Variants in HYDIN observed in about 807,000 individuals in gnomAD.
The protein encoded by HYDIN is axonemal central pair apparatus protein HYDIN.
In HYDIN, 132 loss-of-function variants were observed where a neutral mutation model predicts 403.9. That is an observed-to-expected ratio of 0.33 (90% CI 0.28 to 0.38). HYDIN has a LOEUF of 0.38. Ranked by LOEUF, HYDIN falls within the 10% of genes least tolerant of loss-of-function variation. The pLI, the probability that HYDIN is intolerant of heterozygous loss-of-function variation, is 1.00. For synonymous variants in HYDIN, 1,202 were observed against 1,891.7 expected (o/e 0.64, Z 9.46); for missense variants, 2,827 against 5,009.5 (o/e 0.56, Z 13.15).
intron 1 of HYDIN, among the ~76,000 whole-genome samples, chr16:71,218,667 T>C (rs2089021611): frequency 6.6e-6 from 1 of 152,230 alleles, no homozygotes; most frequent in Non-Finnish European, 1.5e-5. Context: ...CTGCAATATT[T>C]CATGATTTGG....
At chr16:71,077,671 T>A in intron 13 of HYDIN, among the ~76,000 whole-genome samples, 1 of 151,944 alleles carries the variant, frequency 6.6e-6, no homozygotes, top group East Asian at 1.9e-4. Context: ...TGTTTTTTGT[T>A]TTTTTTGTCT....
At chr16:70,870,964 G>A (rs1238587763) in intron 65 of HYDIN, among the ~76,000 whole-genome samples, 2 of 152,070 alleles carry the variant, frequency 1.3e-5, no homozygotes, top group Non-Finnish European at 2.9e-5. Flanking sequence ...TTGGGAAGTG[G>A]AGGTTGCAAT....
intron 1 of HYDIN, among the ~76,000 whole-genome samples, chr16:71,229,208 T>C (rs1441593924): frequency 3.3e-5 from 5 of 151,284 alleles, no homozygotes; most frequent in African/African-American, 9.7e-5. Context: ...CTAATGTAAA[T>C]GACTAGTTAA....
Position 70,986,355 on chromosome 16 carries a change from T to C in HYDIN, c.4195-1033A>G, listed in dbSNP as rs377674591. Among the ~76,000 whole-genome samples, 545 of 151,846 alleles carry C rather than the reference T, an allele frequency of 3.6e-3. 1 individual carries two copies. The Middle Eastern group carries it at 0.041, about 11-fold the overall frequency. ...TGGGGGTCCTTAGGAAAAGCTAGGG[T>C]GAGGTCTGACTGCTTCAAAGACTAT... On this transcript the variant is annotated intron_variant, in intron 27 of 85. Transcript: ENST00000393567.
chr16:70,909,872 T>A (rs1417856295), intron 47 of HYDIN, among the ~76,000 whole-genome samples: 1 of 150,804 alleles, frequency 6.6e-6, no homozygotes, highest in Admixed American at 6.6e-5. Context: ...ATTTTGTGTA[T>A]TTTTAGTAGA....
At chr16:71,097,923 A>G (rs538237830) in intron 10 of HYDIN, among the ~76,000 whole-genome samples, 2 of 152,228 alleles carry the variant, frequency 1.3e-5, no homozygotes, top group South Asian at 4.2e-4. Context: ...TTTATGTTCC[A>G]CTGTCTTCTG....
chr16:71,178,624 C>T (rs946873694), intron 4 of HYDIN, among the ~76,000 whole-genome samples: 3 of 151,698 alleles, frequency 2.0e-5, no homozygotes, highest in African/African-American at 7.3e-5. Flanking sequence ...AAATAAAAAC[C>T]TAGCCCAATT....
intron 23 of HYDIN, among the ~76,000 whole-genome samples, chr16:71,003,260 A>G (rs1006939706): frequency 6.6e-6 from 1 of 152,164 alleles, no homozygotes; most frequent in African/African-American, 2.4e-5. Flanking sequence ...TCAACCTGTC[A>G]GGATTCTGAT....
intron 23 of HYDIN, among the ~76,000 whole-genome samples, chr16:71,009,986 C>A (rs1208847128): frequency 1.6e-5 from 2 of 121,626 alleles, no homozygotes; most frequent in Non-Finnish European, 3.3e-5. Flanking sequence ...CCAATACCCC[C>A]AGCTTGTGGT....
At chr16:71,183,256 C>T (rs1009970859) in intron 3 of HYDIN, among the ~76,000 whole-genome samples, 1 of 151,698 alleles carries the variant, frequency 6.6e-6, no homozygotes, top group African/African-American at 2.4e-5. Context: ...GTAAGGGACA[C>T]AGAGGATAGC....
chr16:70,970,872 T>C (rs1300425496), intron 35 of HYDIN, 113 bp from the exon 36 acceptor site: 12 of 1,016,704 alleles, frequency 1.2e-5, no homozygotes, highest in Admixed American at 2.7e-5. Context: ...GGGAGAAAAC[T>C]TATTATAAAA....
intron 47 of HYDIN, among the ~76,000 whole-genome samples, chr16:70,916,277 G>A (rs1402633506): frequency 6.6e-6 from 1 of 152,188 alleles, no homozygotes; most frequent in Non-Finnish European, 1.5e-5. Flanking sequence ...TGCCAGACAG[G>A]AATGGCCTGC....
chr16:71,139,715 A>G (rs1347455631), intron 7 of HYDIN, among the ~76,000 whole-genome samples: 2 of 152,114 alleles, frequency 1.3e-5, no homozygotes, highest in East Asian at 1.9e-4. Flanking sequence ...AAATAAAAAT[A>G]TATGAAAAAT....
intron 5 of HYDIN, among the ~76,000 whole-genome samples, chr16:71,171,245 GTTATC>G (rs1330673307): frequency 3.3e-5 from 5 of 152,112 alleles, no homozygotes; most frequent in Non-Finnish European, 5.9e-5. Flanking sequence ...GCTTAAATTA[GTTATC>G]TTAAGTTAGC....
intron 1 of HYDIN, among the ~76,000 whole-genome samples, chr16:71,187,901 A>T (rs570689927): frequency 6.6e-6 from 1 of 152,186 alleles, no homozygotes; most frequent in Non-Finnish European, 1.5e-5. Context: ...AAGATCCACC[A>T]TGCTATAATT....
chr16:71,059,710 T>C (rs1270759503), intron 18 of HYDIN, among the ~76,000 whole-genome samples: 1 of 152,278 alleles, frequency 6.6e-6, no homozygotes, highest in East Asian at 1.9e-4. Context: ...TAAAATAATC[T>C]GCACACCAAA....
At chr16:71,175,485 C>G in intron 5 of HYDIN, 122 bp downstream of exon 5, 1 of 1,044,150 alleles carries the variant, frequency 9.6e-7, no homozygotes, top group Non-Finnish European at 1.4e-6. Flanking sequence ...AATACCAAGA[C>G]CACCATCAAT....
chr16:71,212,572 G>A (rs760440059), intron 1 of HYDIN, among the ~76,000 whole-genome samples: 1 of 152,170 alleles, frequency 6.6e-6, no homozygotes, highest in African/African-American at 2.4e-5. Context: ...GATATTCCAT[G>A]TAAGTAAATA....
intron 18 of HYDIN, among the ~76,000 whole-genome samples, chr16:71,052,184 T>A (rs2081676837): frequency 6.6e-6 from 1 of 152,244 alleles, no homozygotes; most frequent in Non-Finnish European, 1.5e-5. Flanking sequence ...CTGTTGAGGA[T>A]CATGTAAAAT....
Sources: allele counts gnomAD v4.1 joint callset (sites outside exome capture counted in the v4.1 genomes callset), GRCh38; gene constraint gnomAD v4.1.1; transcripts MANE v1.5; gene names NCBI Gene and HGNC (gene_info 2026-07-23, HGNC 2026-07-21).